Variants in FBXO38 observed in about 807,000 individuals in gnomAD.
The protein encoded by FBXO38 is F-box protein 38, also known as F-box only protein 38.
A neutral mutation model predicts 131.9 loss-of-function variants in FBXO38; 53 were observed. The ratio of observed to expected loss-of-function variants is 0.40; its 90% CI spans 0.32 to 0.51. The LOEUF (loss-of-function observed/expected upper bound fraction) is 0.51. FBXO38 is among the 20% of genes least tolerant of loss of function. The pLI is 0.53. For missense variants in FBXO38, 1,076 were observed against 1,475.6 expected, an observed-to-expected ratio of 0.73 and a Z score of 4.44; for synonymous variants, 452 against 505.6, an observed-to-expected ratio of 0.89 and a Z score of 1.42.
intron 10 of FBXO38, among the ~76,000 whole-genome samples, chr5:148,414,954 CA>C (rs1159487459): frequency 5.9e-5 from 9 of 152,144 alleles, no homozygotes; most frequent in Middle Eastern, 3.2e-3. Flanking sequence ...CAAAGCCTCT[CA>C]CTGACACCTA....
rs747881514 is a variant in FBXO38 at position 148,415,963 on chromosome 5, C to T, written c.1300C>T (p.Leu434=). ...SRWTRLVDIN[L]VRCHALKLDS... ...ATGGACTCGATTGGTTGATATCAACCTAGTACGGTGCCATGCTTTGAAGCT... is the reference window on the plus strand; with the variant it reads ...ATGGACTCGATTGGTTGATATCAACTTAGTACGGTGCCATGCTTTGAAGCT... The change falls in exon 11 of 22, where the codon CTA becomes TTA. Residue 434 remains leucine, a synonymous_variant. Transcript: ENST00000340253. 1 of 1,613,514 alleles carries T rather than the reference C, an allele frequency of 6.2e-7. No individual in the cohort carries two copies. The highest frequency in any genetic ancestry group is 1.1e-5 in the South Asian group (1 of 91,056).
chr5:148,425,667 A>C lies in FBXO38; in HGVS notation c.1884A>C (p.Lys628Asn). Residue 628 changes from lysine to asparagine, a missense_variant, in exon 14 of 22, where the codon AAA becomes AAC. Coordinates refer to ENST00000340253, the MANE Select transcript of FBXO38 (RefSeq NM_205836.3). Reference protein sequence around the residue: ...GTRRYSEREEKTGESVQSREL... With the variant: ...GTRRYSEREENTGESVQSREL... ...GGCGTTACTCTGAACGTGAAGAAAA[A>C]ACTGGAGAGTCAGTGCAGTCCAGAG... 6.2e-7 allele frequency: 1 copy of C among 1,614,058 alleles called. No individual in the cohort carries two copies. Among genetic ancestry groups the C allele is most frequent in the East Asian group, 2.2e-5 (1 of 44,874 alleles).
chr5:148,392,581 TTGTGTGTGTGTGTGTG>T (rs55667300), intron 1 of FBXO38, among the ~76,000 whole-genome samples: 8 of 141,854 alleles, frequency 5.6e-5, no homozygotes, highest in South Asian at 4.5e-4. Context: ...TTGCTTTTCT[TTGTGTGTGTGTGTGTG>T]TGTGTGTGTG....
chr5:148,419,232 G>A (rs1408396278), intron 12 of FBXO38, among the ~76,000 whole-genome samples: 4 of 152,200 alleles, frequency 2.6e-5, no homozygotes, highest in African/African-American at 9.7e-5. Flanking sequence ...GAAAACCAGA[G>A]GCAATGGCTG....
intron 12 of FBXO38, among the ~76,000 whole-genome samples, chr5:148,420,931 A>G (rs1753385099): frequency 6.6e-6 from 1 of 151,864 alleles, no homozygotes; most frequent in Non-Finnish European, 1.5e-5. Context: ...TGCTGGGATT[A>G]CAGGTGTGAG....
intron 1 of FBXO38, chr5:148,385,044 G>A (rs927808885): frequency 1.3e-5 from 2 of 152,152 alleles, no homozygotes; most frequent in African/African-American, 2.4e-5. Context: ...ACAAGTGAAG[G>A]ATAAAATAAT....
chr5:148,431,277 AGGG>A (rs1754030460), intron 15 of FBXO38, among the ~76,000 whole-genome samples: 9 of 152,244 alleles, frequency 5.9e-5, no homozygotes, highest in Admixed American at 4.6e-4. Flanking sequence ...GTCTCTAAAC[AGGG>A]AGGGAGGCAT....
At chr5:148,438,937 A>G (rs1754510422) in intron 18 of FBXO38, among the ~76,000 whole-genome samples, 1 of 152,316 alleles carries the variant, frequency 6.6e-6, no homozygotes, top group South Asian at 2.1e-4. Context: ...AGTATATTGT[A>G]TATAAGGTTC....
In FBXO38 at chr5:148,411,492, T is replaced by C. The variant is rs186768840; in HGVS notation, c.1093+727T>C. Among the ~76,000 whole-genome samples, 442 of 152,310 alleles carry C rather than the reference T, an allele frequency of 2.9e-3. 2 individuals carry two copies. Among genetic ancestry groups the C allele is most frequent in the Non-Finnish European group, 3.6e-3 (243 of 68,014 alleles). On this transcript the variant is annotated intron_variant, in intron 9 of 21. Transcript: ENST00000340253. ...CTTGAACTCTCATCCTCATAGCAGA[T>C]AACATTTTTTCTTTGGATCTAGTTT... is the stretch of plus-strand genomic sequence containing the variant.
chr5:148,425,299 G>T (rs1753646974), intron 13 of FBXO38, among the ~76,000 whole-genome samples: 2 of 152,172 alleles, frequency 1.3e-5, no homozygotes. Context: ...AATGCATCAA[G>T]TTGGTTGGCA....
rs112642899 is a variant in FBXO38, at chr5:148,440,842, A to G, written c.3275-282A>G. 2.6e-3 allele frequency among the ~76,000 whole-genome samples: 402 copies of G among 152,344 alleles called. 3 individuals carry two copies. The highest frequency in any genetic ancestry group is 8.2e-3 in the African/African-American group (343 of 41,580). On this transcript the variant is annotated intron_variant, in intron 20 of 21. Transcript: ENST00000340253. ...GGGAAGATATGAATGGGGGTCCTAC[A>G]GTTCTTCAAAATATGGATGATTTTA...
At chr5:148,395,297 C>T (rs1758421495) in intron 2 of FBXO38, among the ~76,000 whole-genome samples, 1 of 152,048 alleles carries the variant, frequency 6.6e-6, no homozygotes, top group Non-Finnish European at 1.5e-5. Flanking sequence ...CTGACTTTTT[C>T]TGACTACAAC....
At chr5:148,391,972 TATG>T (rs1167753451) in intron 1 of FBXO38, among the ~76,000 whole-genome samples, 1 of 152,198 alleles carries the variant, frequency 6.6e-6, no homozygotes, top group African/African-American at 2.4e-5. Flanking sequence ...TTTTTAAAAT[TATG>T]TTGTTGTTAG....
chr5:148,433,885 C>A, intron 17 of FBXO38, 148 bp downstream of exon 17: 1 of 493,220 alleles, frequency 2.0e-6, no homozygotes, highest in East Asian at 3.1e-5. Flanking sequence ...TGTTCTAGTT[C>A]TCAAATTATT....
chr5:148,408,251 G>A (rs1357462873), intron 7 of FBXO38, among the ~76,000 whole-genome samples: 1 of 152,238 alleles, frequency 6.6e-6, no homozygotes, highest in African/African-American at 2.4e-5. Context: ...GCTAGGATGT[G>A]AAGCAACAGG....
chr5:148,435,366 TC>T (rs1210785048), intron 17 of FBXO38, among the ~76,000 whole-genome samples: 1 of 152,238 alleles, frequency 6.6e-6, no homozygotes, highest in Non-Finnish European at 1.5e-5. Flanking sequence ...TGAGAATTCT[TC>T]CTTGGTGTTC....
chr5:148,416,888 A>G lies in FBXO38; in HGVS notation c.1408-106A>G, dbSNP rs535737463. The G allele has an allele frequency of 7.2e-6, 5 of 692,742 alleles. No individual in the cohort carries two copies. In the African/African-American group the frequency reaches 9.0e-5, roughly 12 times the overall value. The allele number at this position is 692,742 out of a possible 1,614,324, so 42.9% of individuals were successfully genotyped here. ...TGAAAGCATTTCATAAATAAGTACTATATAAATATTAGTTATAATGTAAAG... is the reference window on the plus strand; with the variant it reads ...TGAAAGCATTTCATAAATAAGTACTGTATAAATATTAGTTATAATGTAAAG... On this transcript the variant is annotated intron_variant, in intron 11 of 21. Coordinates refer to ENST00000340253, the MANE Select transcript of FBXO38 (RefSeq NM_205836.3).
rs771446224 is a variant in FBXO38 at position 148,438,294 on chromosome 5, TGATATGTAC to T, written c.2858-36_2858-28del. On this transcript the variant is annotated intron_variant, in intron 17 of 21. Transcript: ENST00000340253. ...AAAAATTAGGCCATCTCTCCAAAGA[TGATATGTAC>T]GGAGCTTACCATTGTTTTCATTTTG... 3 of 1,595,242 alleles carry T rather than the reference TGATATGTAC, an allele frequency of 1.9e-6. No individual in the cohort carries two copies. In the East Asian group the frequency reaches 6.7e-5, roughly 36 times the overall value.
At chr5:148,421,432 G>GTAGT (rs1753424048) in intron 12 of FBXO38, among the ~76,000 whole-genome samples, 2 of 152,040 alleles carry the variant, frequency 1.3e-5, no homozygotes, top group African/African-American at 4.8e-5. Context: ...TTTGGGGCAG[G>GTAGT]TAGTTGTCAA....
Sources: gnomAD v4.1 joint callset for allele counts (sites outside exome capture counted in the v4.1 genomes callset) on GRCh38, gnomAD v4.1.1 for gene constraint, MANE v1.5 for transcripts, NCBI Gene and HGNC (gene_info 2026-07-23, HGNC 2026-07-21) for gene names.